The following PTPRN2 variants were observed in gnomAD, a reference collection of about 807,000 sequenced individuals.
PTPRN2 encodes the protein receptor-type tyrosine-protein phosphatase N2.
In PTPRN2, 74 loss-of-function variants were observed where a neutral mutation model predicts 118.8. That is an observed-to-expected ratio of 0.62 (90% CI 0.52 to 0.76). The LOEUF (loss-of-function observed/expected upper bound fraction) is 0.76. PTPRN2 is among the 30% of genes least tolerant of loss of function. The pLI is 0.00. For synonymous variants in PTPRN2, 641 were observed against 608.0 expected (o/e 1.05, Z -0.80); for missense variants, 1,481 against 1,394.4 (o/e 1.06, Z -0.99).
At chr7:158,492,106 C>A (rs1253906010) in intron 1 of PTPRN2, among the ~76,000 whole-genome samples, 1 of 152,114 alleles carries the variant, frequency 6.6e-6, no homozygotes, top group Non-Finnish European at 1.5e-5. Context: ...GCTGTGAGGG[C>A]CCCTCCCGCC....
At chr7:157,669,966 C>CAT (rs1796329395) in intron 13 of PTPRN2, among the ~76,000 whole-genome samples, 1 of 152,196 alleles carries the variant, frequency 6.6e-6, no homozygotes, top group African/African-American at 2.4e-5. Context: ...GTACCCACAG[C>CAT]ATCTACGTGG....
chr7:158,566,007 T>C lies in PTPRN2; in HGVS notation c.112+21551A>G, dbSNP rs6945436. On this transcript the variant is annotated intron_variant, in intron 1 of 22. Transcript: ENST00000389418. Reference sequence around the variant, plus strand: ...CTCTCCCTGAGATTATGGATAATTTTGATAACTTTGAGAATCAATAAAATT... The same window carrying C: ...CTCTCCCTGAGATTATGGATAATTTCGATAACTTTGAGAATCAATAAAATT... Among the ~76,000 whole-genome samples, 1,198 of 152,314 alleles carry C rather than the reference T, an allele frequency of 7.9e-3. 20 individuals are homozygous for C. The highest frequency in any genetic ancestry group is 0.027 in the African/African-American group (1,103 of 41,566).
In PTPRN2 at chr7:157,587,274, G is replaced by A. The variant is rs200029158; in HGVS notation, c.2496+7964C>T. ...GGCAGACAGACAGGCAGACAAACAG[G>A]CAGACAGGCAGACGAGCCACTGGTG... On this transcript the variant is annotated intron_variant, in intron 17 of 22. Coordinates refer to ENST00000389418, the MANE Select transcript of PTPRN2 (RefSeq NM_002847.5). The surrounding 1 kb of genome is among the most constrained non-coding windows in gnomAD (Gnocchi z 5.3). Among the ~76,000 whole-genome samples the A allele has an allele frequency of 6.6e-6, 1 of 150,972 alleles. No homozygotes were observed. The highest frequency in any genetic ancestry group is 2.1e-4 in the South Asian group (1 of 4,784).
chr7:158,075,560 C>A (rs1812283711), intron 11 of PTPRN2, among the ~76,000 whole-genome samples: 1 of 152,148 alleles, frequency 6.6e-6, no homozygotes, highest in South Asian at 2.1e-4. Context: ...ACTGTGCAGA[C>A]CCCACCAGCA....
At chr7:158,236,668 C>CCCCAGTTA (rs1021198975) in intron 3 of PTPRN2, among the ~76,000 whole-genome samples, 1 of 152,186 alleles carries the variant, frequency 6.6e-6, no homozygotes, top group Non-Finnish European at 1.5e-5. Context: ...CTGCCTGGCC[C>CCCCAGTTA]CCCAGTTACC....
At chr7:158,318,767 G>C (rs371377003) in intron 2 of PTPRN2, among the ~76,000 whole-genome samples, 3 of 152,242 alleles carry the variant, frequency 2.0e-5, no homozygotes, top group Admixed American at 1.3e-4. Flanking sequence ...GTGGACGTGC[G>C]TGGCCAGCTC....
intron 11 of PTPRN2, among the ~76,000 whole-genome samples, chr7:158,002,640 C>T (rs1181988981): frequency 2.0e-5 from 3 of 152,184 alleles, no homozygotes. Flanking sequence ...ATGTGAAGGA[C>T]ACCACGGGGG....
chr7:158,316,025 T>C (rs1296235921), intron 3 of PTPRN2, among the ~76,000 whole-genome samples: 1 of 152,148 alleles, frequency 6.6e-6, no homozygotes, highest in Non-Finnish European at 1.5e-5. Context: ...GTGGCCACCC[T>C]TGAGTCCCCA....
At chr7:157,928,592 C>T (rs1288269609) in intron 11 of PTPRN2, among the ~76,000 whole-genome samples, 1 of 151,682 alleles carries the variant, frequency 6.6e-6, no homozygotes, top group East Asian at 1.9e-4. Context: ...CGTGTCTCAG[C>T]GTCACTACCA....
intron 1 of PTPRN2, among the ~76,000 whole-genome samples, chr7:158,576,002 T>A (rs1173217527): frequency 6.6e-6 from 1 of 152,220 alleles, no homozygotes; most frequent in Admixed American, 6.5e-5. Context: ...TCCTTCTTGT[T>A]AAGCTCACAG....
At position 157,813,136 on chromosome 7, in the gene PTPRN2, C is replaced by T. The variant is rs1806165009; in HGVS notation, c.1788+85537G>A. On this transcript the variant is annotated intron_variant, in intron 12 of 22. Coordinates refer to ENST00000389418, the MANE Select transcript of PTPRN2 (RefSeq NM_002847.5). This position sits in a 1 kb window ranked among gnomAD's most constrained non-coding sequence, Gnocchi z 4.7. The stretch of plus-strand genomic sequence containing the variant: ...AAACCACACGCATGGCAGCCTCCCC[C>T]AAGCCAACCACCCGGGCCCACAGAC... 6.6e-6 allele frequency among the ~76,000 whole-genome samples: 1 copy of T among 152,170 alleles called. No individual in the cohort carries two copies.
intron 7 of PTPRN2, 77 bp from the exon 8 acceptor site, chr7:158,136,772 C>A: frequency 5.3e-6 from 7 of 1,329,018 alleles, no homozygotes; most frequent in Middle Eastern, 1.8e-4. Context: ...AAAAGGGTGA[C>A]CCTGCAGACC....
At chr7:157,542,103 G>A (rs188383532) in intron 22 of PTPRN2, among the ~76,000 whole-genome samples, 25 of 152,184 alleles carry the variant, frequency 1.6e-4, no homozygotes, top group African/African-American at 5.1e-4. Flanking sequence ...TCTGCTCCTC[G>A]AAATTACGTG....
At chr7:157,580,456 CCAGCACCTGCACACCG>C (rs1800289160) in intron 17 of PTPRN2, among the ~76,000 whole-genome samples, 2 of 150,380 alleles carry the variant, frequency 1.3e-5, no homozygotes, top group Middle Eastern at 3.5e-3. Flanking sequence ...CCTGCACACC[CCAGCACCTGCACACCG>C]CAGCACCTGC....
chr7:158,332,970 A>G (rs1804802704), intron 2 of PTPRN2, among the ~76,000 whole-genome samples: 1 of 145,464 alleles, frequency 6.9e-6, no homozygotes, highest in African/African-American at 2.7e-5. Context: ...TCTCACCATA[A>G]GAGGTGACAC....
Position 157,617,281 on chromosome 7 carries a change from G to A in PTPRN2, c.2344+4081C>T, listed in dbSNP as rs1335752784. Reference sequence around the variant, plus strand: ...GCCCCAGTGATGCCGTGGTTAGGACGCCGTTCACGCAGCTGCAGCGCAGAG... The same window carrying A: ...GCCCCAGTGATGCCGTGGTTAGGACACCGTTCACGCAGCTGCAGCGCAGAG... On this transcript the variant is annotated intron_variant, in intron 15 of 22. Transcript: ENST00000389418. This position sits in a 1 kb window ranked among gnomAD's most constrained non-coding sequence, Gnocchi z 7.5. The A allele has an allele frequency of 2.0e-5, 3 of 148,092 alleles. No individual in the cohort carries two copies. 9.2% of individuals were successfully genotyped at this position (148,092 alleles called of 1,614,324 possible).
At chr7:157,976,315 C>A (rs1802742089) in intron 11 of PTPRN2, among the ~76,000 whole-genome samples, 1 of 152,200 alleles carries the variant, frequency 6.6e-6, no homozygotes, top group Non-Finnish European at 1.5e-5. Context: ...AGAGTTGAGA[C>A]CCAGCGGCTC....
At chr7:158,576,126 G>T (rs2129451792) in intron 1 of PTPRN2, among the ~76,000 whole-genome samples, 1 of 152,166 alleles carries the variant, frequency 6.6e-6, no homozygotes, top group Non-Finnish European at 1.5e-5. Context: ...TAAGCAGCAA[G>T]CAGGAACTCC....
chr7:157,580,488 A>G (rs549982687), intron 17 of PTPRN2, among the ~76,000 whole-genome samples: 185 of 72,196 alleles, frequency 2.6e-3, no homozygotes, highest in Non-Finnish European at 4.4e-3. Flanking sequence ...CCTGCACACC[A>G]CAGCACCTGC....
Sources: gnomAD v4.1 joint callset for allele counts (sites outside exome capture counted in the v4.1 genomes callset) on GRCh38, gnomAD v4.1.1 for gene constraint, Gnocchi (gnomAD v3.1) non-coding constraint, MANE v1.5 for transcripts, NCBI Gene and HGNC (gene_info 2026-07-23, HGNC 2026-07-21) for gene names.